Variants in DIPK1A observed in about 807,000 individuals in gnomAD.
DIPK1A encodes the protein divergent protein kinase domain 1A.
Under a neutral mutation model 40.8 loss-of-function variants are expected in DIPK1A, and 27 were observed. That is an observed-to-expected ratio of 0.66 (90% CI 0.49 to 0.91). The LOEUF is 0.91. Ranked by LOEUF, DIPK1A falls within the 40% of genes least tolerant of loss-of-function variation. The probability of loss-of-function intolerance (pLI) is 0.00; values close to 1 mark genes in which losing one functional copy is unlikely to be tolerated. For synonymous variants in DIPK1A, 166 were observed against 171.3 expected, an observed-to-expected ratio of 0.97 and a Z score of 0.24; for missense variants, 412 against 505.7, an observed-to-expected ratio of 0.81 and a Z score of 1.78.
At chr1:92,924,440 T>G (rs577992373) in intron 1 of DIPK1A, among the ~76,000 whole-genome samples, 26 of 152,232 alleles carry the variant, frequency 1.7e-4, no homozygotes, top group African/African-American at 6.0e-4. Flanking sequence ...GGCGCCACTA[T>G]ATAACCCGCA....
intron 1 of DIPK1A, chr1:92,931,045 G>C (rs1451043087): frequency 6.6e-6 from 1 of 152,166 alleles, no homozygotes; most frequent in Non-Finnish European, 1.5e-5. Context: ...GCACATATTA[G>C]ATATTTGACA....
intron 1 of DIPK1A, among the ~76,000 whole-genome samples, chr1:92,951,051 T>G (rs918336455): frequency 1.1e-4 from 17 of 152,238 alleles, no homozygotes; most frequent in African/African-American, 3.9e-4. Context: ...ATCCAAGTAC[T>G]GCTGTGAAGG....
At chr1:92,914,127 AG>A (rs1649949406) in intron 1 of DIPK1A, among the ~76,000 whole-genome samples, 1 of 151,668 alleles carries the variant, frequency 6.6e-6, no homozygotes, top group South Asian at 2.1e-4. Flanking sequence ...GTATAGAAAA[AG>A]TTAGGAGCAA....
At chr1:92,921,367 A>G (rs1650261050) in intron 1 of DIPK1A, among the ~76,000 whole-genome samples, 1 of 152,166 alleles carries the variant, frequency 6.6e-6, no homozygotes, top group Non-Finnish European at 1.5e-5. Context: ...CCCAAAGGAG[A>G]GAACACAAAG....
Position 92,843,574 on chromosome 1 carries a change from CT to C in DIPK1A, c.1095del (p.Ala366LeufsTer21). 6.4e-7 allele frequency: 1 copy of C among 1,552,046 alleles called. No homozygotes were observed. Among genetic ancestry groups the C allele is most frequent in the Non-Finnish European group, 8.7e-7 (1 of 1,147,076 alleles). ...AGGTAGTCTTTGAGTAACTGACAAG[CT>C]TTTGCCAAGTTTGGTTGTATCACTT... ...TSEVIQPNLA[K>X]ACQLLKDYLL... On this transcript the variant is annotated frameshift_variant, in exon 5 of 5. Coordinates refer to ENST00000370310, the MANE Select transcript of DIPK1A (RefSeq NM_001006605.5). LOFTEE classifies it high-confidence loss of function.
intron 2 of DIPK1A, among the ~76,000 whole-genome samples, chr1:92,851,233 C>T (rs1304573482): frequency 6.6e-6 from 1 of 151,956 alleles, no homozygotes; most frequent in African/African-American, 2.4e-5. Flanking sequence ...AATAGAGGCA[C>T]TCTATCTTTA....
chr1:92,885,762 A>C (rs1648572382), intron 1 of DIPK1A, among the ~76,000 whole-genome samples: 1 of 152,216 alleles, frequency 6.6e-6, no homozygotes, highest in South Asian at 2.1e-4. Context: ...GAGCTAGAAG[A>C]GTTTTCAGTG....
intron 1 of DIPK1A, among the ~76,000 whole-genome samples, chr1:92,950,256 C>T (rs960116191): frequency 6.6e-6 from 1 of 152,100 alleles, no homozygotes; most frequent in Admixed American, 6.5e-5. Flanking sequence ...GGGGTGGACA[C>T]GTTGACACAT....
chr1:92,890,869 G>A (rs1648840229), intron 1 of DIPK1A, among the ~76,000 whole-genome samples: 1 of 152,060 alleles, frequency 6.6e-6, no homozygotes, highest in South Asian at 2.1e-4. Context: ...CAGTTTTCTG[G>A]GAGAGTTTGA....
chr1:92,958,439 G>A (rs1651930441), intron 1 of DIPK1A, among the ~76,000 whole-genome samples: 1 of 152,134 alleles, frequency 6.6e-6, no homozygotes, highest in Non-Finnish European at 1.5e-5. Flanking sequence ...CAGCATAACT[G>A]CAAGTATACA....
At chr1:92,895,855 C>A (rs1469579822) in intron 1 of DIPK1A, among the ~76,000 whole-genome samples, 5 of 152,146 alleles carry the variant, frequency 3.3e-5, no homozygotes, top group African/African-American at 1.2e-4. Flanking sequence ...TCTTATACAC[C>A]AATAACAGAC....
At chr1:92,907,068 T>G (rs1649652661) in intron 1 of DIPK1A, among the ~76,000 whole-genome samples, 1 of 152,064 alleles carries the variant, frequency 6.6e-6, no homozygotes, top group African/African-American at 2.4e-5. Flanking sequence ...ATTGCTGGAG[T>G]CTTAAGGTAT....
chr1:92,843,177 C>G lies in DIPK1A; in HGVS notation c.*206G>C. On this transcript the variant is annotated 3_prime_UTR_variant, in exon 5 of 5. Transcript: ENST00000370310. ...AATGTACTTCGGAGATGTAACAGGGCTTCTAAAAGGGCAGGAATGACATCT... is the reference window on the plus strand; with the variant it reads ...AATGTACTTCGGAGATGTAACAGGGGTTCTAAAAGGGCAGGAATGACATCT... The G allele has an allele frequency of 2.3e-6, 3 of 1,322,980 alleles. No individual in the cohort carries two copies. Among genetic ancestry groups the G allele is most frequent in the Non-Finnish European group, 2.9e-6 (3 of 1,033,020 alleles). The allele number at this position is 1,322,980 out of a possible 1,614,324, so 82.0% of individuals were successfully genotyped here. A position where few individuals can be genotyped will look rare whatever the true frequency, so the allele number is the denominator to read the frequency against.
chr1:92,910,158 C>G (rs1361159476), intron 1 of DIPK1A, among the ~76,000 whole-genome samples: 1 of 152,158 alleles, frequency 6.6e-6, no homozygotes, highest in Admixed American at 6.5e-5. Flanking sequence ...TTTATCAGTA[C>G]TTTGCTATTA....
downstream of DIPK1A, among the ~76,000 whole-genome samples, chr1:92,839,662 G>A (rs577813269): frequency 6.6e-6 from 1 of 152,288 alleles, no homozygotes; most frequent in East Asian, 1.9e-4. Context: ...GGTCCCATAC[G>A]TTCATCATCT....
chr1:92,913,904 C>T (rs1330361321), intron 1 of DIPK1A, among the ~76,000 whole-genome samples: 1 of 151,964 alleles, frequency 6.6e-6, no homozygotes, highest in Non-Finnish European at 1.5e-5. Flanking sequence ...GTCCTTAAAC[C>T]CAATGTGTAA....
At chr1:92,947,706 C>G (rs1651428653) in intron 1 of DIPK1A, among the ~76,000 whole-genome samples, 1 of 152,184 alleles carries the variant, frequency 6.6e-6, no homozygotes, top group South Asian at 2.1e-4. Flanking sequence ...TAATGGAATA[C>G]TATTCAGCCA....
chr1:92,842,367 G>A lies in DIPK1A; in HGVS notation c.*1016C>T, dbSNP rs1687401644. On this transcript the variant is annotated 3_prime_UTR_variant, in exon 5 of 5. Transcript: ENST00000370310. Reference sequence around the variant, plus strand: ...AAATAGTGGTTCTTTTCTCCAAAAGGTGTTTAATTTTATGGAGATGTTGAA... The same window carrying A: ...AAATAGTGGTTCTTTTCTCCAAAAGATGTTTAATTTTATGGAGATGTTGAA... The A allele has an allele frequency of 9.1e-6, 9 of 984,900 alleles. No individual in the cohort carries two copies. In the African/African-American group the frequency reaches 1.2e-4, roughly 13 times the overall value. 61.0% of individuals were successfully genotyped at this position (984,900 alleles called of 1,614,324 possible). A position where few individuals can be genotyped will look rare whatever the true frequency, so the allele number is the denominator to read the frequency against.
At chr1:92,912,022 A>AAAAAAG (rs1649850799) in intron 1 of DIPK1A, among the ~76,000 whole-genome samples, 1 of 151,216 alleles carries the variant, frequency 6.6e-6, no homozygotes, top group Non-Finnish European at 1.5e-5. Flanking sequence ...AAAAAAAAAA[A>AAAAAAG]AAAAAAAAAG....
Sources: allele counts gnomAD v4.1 joint callset (sites outside exome capture counted in the v4.1 genomes callset), GRCh38; gene constraint gnomAD v4.1.1; transcripts MANE v1.5; gene names NCBI Gene and HGNC (gene_info 2026-07-23, HGNC 2026-07-21).